AGBL4: variants seen among roughly 807,000 people sequenced by gnomAD.
AGBL4 encodes the protein AGBL carboxypeptidase 4.
In AGBL4, 58 loss-of-function variants were observed where a neutral mutation model predicts 66.4. The observed-to-expected ratio is 0.87, with a 90% CI of 0.71 to 1.09. The LOEUF is 1.09. Ranked by LOEUF, AGBL4 falls within the 50% of genes least tolerant of loss-of-function variation. The pLI is 0.00. For missense variants in AGBL4, 579 were observed against 631.0 expected (o/e 0.92, Z 0.88); for synonymous variants, 234 against 222.9 (o/e 1.05, Z -0.44).
intron 3 of AGBL4, among the ~76,000 whole-genome samples, chr1:49,614,686 G>T (rs1645218849): frequency 6.6e-6 from 1 of 152,072 alleles, no homozygotes; most frequent in South Asian, 2.1e-4. Context: ...AAGAATTCCA[G>T]TCCAACTCAT....
rs759329842 is a variant in AGBL4, at chr1:48,867,210, G to A, written c.615C>T (p.Leu205=). The A allele has an allele frequency of 6.2e-7, 1 of 1,613,638 alleles. No homozygotes were observed. The highest frequency in any genetic ancestry group is 8.5e-7 in the Non-Finnish European group (1 of 1,179,770). The change falls in exon 6 of 14, where the codon CTC becomes CTT. Residue 205 remains leucine, a synonymous_variant. Transcript: ENST00000371839. ...ACTCACCAGGGCTGGTTATCGTCAG[G>A]AGGTCAAGCTTTCGTTGTTGCTGCA... ...GQSVQQRKLD[L]LTITSPDNLR...
chr1:49,746,647 C>T (rs542059083), intron 2 of AGBL4, among the ~76,000 whole-genome samples: 16 of 152,064 alleles, frequency 1.1e-4, no homozygotes, highest in East Asian at 3.9e-4. Flanking sequence ...TGTGCTAAGA[C>T]GAATTTTGAA....
intron 3 of AGBL4, among the ~76,000 whole-genome samples, chr1:49,327,596 A>C (rs1325326836): frequency 6.6e-6 from 1 of 152,200 alleles, no homozygotes; most frequent in Non-Finnish European, 1.5e-5. Flanking sequence ...GAGGGGAGTA[A>C]GGCTATGTCT....
chr1:49,624,608 C>T (rs550354168), intron 3 of AGBL4, among the ~76,000 whole-genome samples: 1 of 152,314 alleles, frequency 6.6e-6, no homozygotes, highest in East Asian at 1.9e-4. Context: ...CTTCACCTTT[C>T]TTCTTTCCTT....
At chr1:48,650,301 G>A (rs1388897231) in intron 8 of AGBL4, among the ~76,000 whole-genome samples, 1 of 152,192 alleles carries the variant, frequency 6.6e-6, no homozygotes, top group Admixed American at 6.5e-5. Context: ...TGCACGTCCA[G>A]AGGGAGATGT....
At chr1:48,766,239 G>A (rs951037443) in intron 6 of AGBL4, among the ~76,000 whole-genome samples, 1 of 152,038 alleles carries the variant, frequency 6.6e-6, no homozygotes, top group African/African-American at 2.4e-5. Flanking sequence ...AAGAAGAAAT[G>A]AGGCTCAAAG....
chr1:49,879,036 T>C (rs1287243750), intron 1 of AGBL4, among the ~76,000 whole-genome samples: 1 of 105,418 alleles, frequency 9.5e-6, no homozygotes, highest in Non-Finnish European at 1.9e-5. Flanking sequence ...CATCCTTTTA[T>C]TTTCAGCCTA....
chr1:48,710,794 C>T (rs1169023022), intron 6 of AGBL4, among the ~76,000 whole-genome samples: 1 of 152,136 alleles, frequency 6.6e-6, no homozygotes, highest in African/African-American at 2.4e-5. Flanking sequence ...CTGGGTTCTC[C>T]CTACCCCATT....
chr1:49,648,902 A>C (rs1645946257), intron 3 of AGBL4, among the ~76,000 whole-genome samples: 1 of 152,130 alleles, frequency 6.6e-6, no homozygotes, highest in African/African-American at 2.4e-5. Flanking sequence ...TCAGAACATA[A>C]AGAGCATCAG....
chr1:49,215,980 T>C (rs1649055297), intron 4 of AGBL4, among the ~76,000 whole-genome samples: 1 of 152,130 alleles, frequency 6.6e-6, no homozygotes, highest in African/African-American at 2.4e-5. Flanking sequence ...AGATACAGTA[T>C]AAAACATCTG....
Position 49,342,546 on chromosome 1 carries a change from T to C in AGBL4, c.283-96682A>G, listed in dbSNP as rs774490775. Among the ~76,000 whole-genome samples the C allele has an allele frequency of 2.6e-4, 39 of 152,110 alleles. 1 individual carries two copies. The highest frequency in any genetic ancestry group is 4.9e-4 in the Non-Finnish European group (33 of 68,020). Reference sequence around the variant, plus strand: ...TCCCCACCATCCAGAGGGCAGGAATTTTGCAGTTCATGTCACAGTTAAGGC... The same window carrying C: ...TCCCCACCATCCAGAGGGCAGGAATCTTGCAGTTCATGTCACAGTTAAGGC... On this transcript the variant is annotated intron_variant, in intron 3 of 13. Coordinates refer to ENST00000371839, the MANE Select transcript of AGBL4 (RefSeq NM_032785.4).
intron 2 of AGBL4, among the ~76,000 whole-genome samples, chr1:49,704,864 A>G (rs1450560480): frequency 2.0e-5 from 3 of 152,162 alleles, no homozygotes; most frequent in Non-Finnish European, 4.4e-5. Context: ...AGGTACTGTG[A>G]TGCCTCCAGC....
intron 3 of AGBL4, among the ~76,000 whole-genome samples, chr1:49,311,414 C>CA (rs888579545): frequency 6.6e-6 from 1 of 151,948 alleles, no homozygotes; most frequent in African/African-American, 2.4e-5. Context: ...TAAATGCCTA[C>CA]AAAAAACATT....
intron 5 of AGBL4, among the ~76,000 whole-genome samples, chr1:48,999,099 T>C (rs1448355540): frequency 6.6e-6 from 1 of 152,200 alleles, no homozygotes; most frequent in Non-Finnish European, 1.5e-5. Context: ...AGTTCAGGTA[T>C]GGCAGCAGGG....
At chr1:49,630,213 G>T (rs1195788592) in intron 3 of AGBL4, among the ~76,000 whole-genome samples, 1 of 152,156 alleles carries the variant, frequency 6.6e-6, no homozygotes, top group African/African-American at 2.4e-5. Context: ...TAAACTCTCA[G>T]TGATATGGGC....
At chr1:48,996,077 A>T (rs1433867819) in intron 5 of AGBL4, among the ~76,000 whole-genome samples, 1 of 152,134 alleles carries the variant, frequency 6.6e-6, no homozygotes, top group Non-Finnish European at 1.5e-5. Flanking sequence ...AATGGACTGG[A>T]TGTAAGATGT....
At chr1:49,926,933 A>T (rs1009133346) in intron 1 of AGBL4, among the ~76,000 whole-genome samples, 4 of 152,218 alleles carry the variant, frequency 2.6e-5, no homozygotes, top group African/African-American at 9.6e-5. Context: ...ACAATAGGCC[A>T]TCTGCAAGCT....
rs373629545 is a variant in AGBL4, at chr1:49,036,948, GTCTT to G, written c.594+8632_594+8635del. 1.7e-3 allele frequency among the ~76,000 whole-genome samples: 259 copies of G among 152,076 alleles called. 1 individual carries two copies. Among genetic ancestry groups the G allele is most frequent in the African/African-American group, 5.9e-3 (243 of 41,494 alleles). On this transcript the variant is annotated intron_variant, in intron 5 of 13. Transcript: ENST00000371839. The stretch of plus-strand genomic sequence containing the variant: ...GAGGGAGCTCTTTTGAGGATAGTGG[GTCTT>G]TCTTGTCACTGGGATGGAGCACGGC...
intron 3 of AGBL4, among the ~76,000 whole-genome samples, chr1:49,298,650 T>G (rs1223185660): frequency 7.3e-6 from 1 of 136,164 alleles, no homozygotes; most frequent in Non-Finnish European, 1.6e-5. Flanking sequence ...CCCTCCCTCC[T>G]CCTTCTTGAA....
Sources: allele counts gnomAD v4.1 joint callset (sites outside exome capture counted in the v4.1 genomes callset), GRCh38; gene constraint gnomAD v4.1.1; transcripts MANE v1.5; gene names NCBI Gene and HGNC (gene_info 2026-07-23, HGNC 2026-07-21).